The following TRAPPC6B variants were observed in gnomAD, a reference collection of about 807,000 sequenced individuals.
TRAPPC6B encodes trafficking protein particle complex subunit 6B.
A neutral mutation model predicts 24.7 loss-of-function variants in TRAPPC6B; 27 were observed. That is an observed-to-expected ratio of 1.09 (90% confidence interval 0.81 to 1.51). TRAPPC6B has a LOEUF of 1.51. Among genes scored for constraint, TRAPPC6B ranks in the 40% most tolerant of loss-of-function variants. The probability of loss-of-function intolerance (pLI) is 0.00; values close to 1 mark genes in which losing one functional copy is unlikely to be tolerated. For missense variants in TRAPPC6B, 212 were observed against 190.8 expected, an observed-to-expected ratio of 1.11 and a Z score of -0.66; for synonymous variants, 80 against 66.6, an observed-to-expected ratio of 1.20 and a Z score of -0.98.
intron 3 of TRAPPC6B, chr14:39,157,223 T>C (rs180997706): frequency 4.7e-4 from 164 of 346,448 alleles, no homozygotes; most frequent in Admixed American, 3.3e-3. Flanking sequence ...ACTCACTTTG[T>C]GAAATGGCCC....
At chr14:39,151,318 A>T (rs1048871546) in intron 5 of TRAPPC6B, among the ~76,000 whole-genome samples, 1 of 134,094 alleles carries the variant, frequency 7.5e-6, no homozygotes, top group African/African-American at 2.8e-5. Flanking sequence ...TGAACCCGGG[A>T]GGTGGAGCTT....
chr14:39,162,550 A>C (rs75711818), intron 1 of TRAPPC6B, among the ~76,000 whole-genome samples: 4,560 of 152,216 alleles, frequency 0.03, 232 homozygotes, highest in African/African-American at 0.1. Flanking sequence ...CTTTTATCCC[A>C]ATTTCAATCA....
At chr14:39,158,229 G>A (rs35270180) in intron 3 of TRAPPC6B, 56 bp downstream of exon 3, 320,249 of 924,058 alleles carry the variant, frequency 0.35, 58,565 homozygotes, top group Non-Finnish European at 0.38. Context: ...ACTAAAATAC[G>A]ATATTTATAT....
intron 1 of TRAPPC6B, among the ~76,000 whole-genome samples, chr14:39,167,863 AC>A (rs2053123658): frequency 7.2e-6 from 1 of 138,360 alleles, no homozygotes; most frequent in Admixed American, 7.3e-5. Context: ...TTTAGGATTA[AC>A]CCACGGGAAA....
intron 4 of TRAPPC6B, among the ~76,000 whole-genome samples, chr14:39,153,987 G>A (rs1387418969): frequency 6.6e-6 from 1 of 152,116 alleles, no homozygotes; most frequent in Non-Finnish European, 1.5e-5. Flanking sequence ...TTACAGGCGT[G>A]AGCCATAGCG....
Position 39,169,995 on chromosome 14 carries a change from G to C in TRAPPC6B, c.81+20C>G. ...GTGTGTCACCGCAAAAGGACCTCAA[G>C]GTTGTGTGGCAGCACTCACCACCTC... On this transcript the variant is annotated intron_variant, in intron 1 of 5. Coordinates refer to ENST00000330149, the MANE Select transcript of TRAPPC6B (RefSeq NM_001079537.2). 6.2e-7 allele frequency: 1 copy of C among 1,613,122 alleles called. No individual in the cohort carries two copies. Among genetic ancestry groups the C allele is most frequent in the Non-Finnish European group, 8.5e-7 (1 of 1,179,130 alleles).
intron 1 of TRAPPC6B, among the ~76,000 whole-genome samples, chr14:39,169,252 T>G (rs2053139949): frequency 6.6e-6 from 1 of 152,210 alleles, no homozygotes; most frequent in Non-Finnish European, 1.5e-5. Flanking sequence ...CCCTAAATAC[T>G]GTGAGGCAGG....
intron 1 of TRAPPC6B, among the ~76,000 whole-genome samples, chr14:39,166,103 C>CT (rs113849851): frequency 3.6e-4 from 52 of 146,202 alleles, no homozygotes; most frequent in South Asian, 6.4e-4. Flanking sequence ...TGTCCAGCCT[C>CT]TTTTTTTTTT....
At chr14:39,155,375 G>A (rs1416163246) in intron 3 of TRAPPC6B, among the ~76,000 whole-genome samples, 2 of 152,130 alleles carry the variant, frequency 1.3e-5, no homozygotes, top group Non-Finnish European at 2.9e-5. Context: ...CCAAGTAGCT[G>A]GGATTACAGG....
At chr14:39,161,141 G>A (rs1427562184) in intron 1 of TRAPPC6B, among the ~76,000 whole-genome samples, 1 of 143,396 alleles carries the variant, frequency 7.0e-6, no homozygotes, top group Non-Finnish European at 1.5e-5. Context: ...TTATTTCTTT[G>A]TTTGTTTAAG....
intron 1 of TRAPPC6B, among the ~76,000 whole-genome samples, chr14:39,164,226 T>C (rs1470523987): frequency 6.6e-6 from 1 of 152,200 alleles, no homozygotes; most frequent in Non-Finnish European, 1.5e-5. Flanking sequence ...CCGGGCATGA[T>C]GGCTCACGCC....
rs771060253 is a variant in TRAPPC6B, at chr14:39,169,973, T to A, written c.81+42A>T. The A allele has an allele frequency of 3.8e-6, 6 of 1,595,474 alleles. No individual in the cohort carries two copies. In the Admixed American group the frequency reaches 1.0e-4, roughly 27 times the overall value. ...GAAAGCACTGAGGGGAAACAAGGTG[T>A]GTCACCGCAAAAGGACCTCAAGGTT... On this transcript the variant is annotated intron_variant, in intron 1 of 5. Transcript: ENST00000330149.
chr14:39,154,692 T>C (rs2052955345), intron 3 of TRAPPC6B, among the ~76,000 whole-genome samples: 1 of 152,046 alleles, frequency 6.6e-6, no homozygotes, highest in East Asian at 1.9e-4. Context: ...AGTGCTGGGA[T>C]TACAGGCATA....
intron 4 of TRAPPC6B, 118 bp from the exon 5 acceptor site, chr14:39,151,957 T>G: frequency 4.3e-6 from 3 of 690,714 alleles, no homozygotes; most frequent in Non-Finnish European, 7.0e-6. Flanking sequence ...AAAAAAGGAT[T>G]TTGAAGAACT....
chr14:39,149,967 T>C lies in TRAPPC6B; in HGVS notation c.*383A>G, dbSNP rs1431966977. ...TTTAAAATAAAACAAATTCATACTTTATCAAAATTTGTTCATTCTTCTCAC... is the reference window on the plus strand; with the variant it reads ...TTTAAAATAAAACAAATTCATACTTCATCAAAATTTGTTCATTCTTCTCAC... On this transcript the variant is annotated 3_prime_UTR_variant, in exon 6 of 6. Transcript: ENST00000330149. 1 of 161,414 alleles carries C rather than the reference T, an allele frequency of 6.2e-6. No homozygotes were observed. Among genetic ancestry groups the C allele is most frequent in the East Asian group, 1.8e-4 (1 of 5,684 alleles). 10.0% of individuals were successfully genotyped at this position (161,414 alleles called of 1,614,324 possible). A position where few individuals can be genotyped will look rare whatever the true frequency, so the allele number is the denominator to read the frequency against.
At chr14:39,167,796 A>G (rs2139391469) in intron 1 of TRAPPC6B, among the ~76,000 whole-genome samples, 1 of 152,222 alleles carries the variant, frequency 6.6e-6, no homozygotes, top group Non-Finnish European at 1.5e-5. Context: ...TTTCTCTTGT[A>G]TGTTAGTCCA....
intron 1 of TRAPPC6B, 114 bp downstream of exon 1, chr14:39,169,901 G>C (rs1334582166): frequency 2.1e-6 from 2 of 951,096 alleles, no homozygotes; most frequent in Non-Finnish European, 3.3e-6. Flanking sequence ...GGACCATTTT[G>C]TGTACACCTC....
chr14:39,152,283 A>C (rs559783771), intron 4 of TRAPPC6B, among the ~76,000 whole-genome samples: 1 of 152,300 alleles, frequency 6.6e-6, no homozygotes, highest in African/African-American at 2.4e-5. Context: ...TTGTTAGCTT[A>C]CAAGCAGAAT....
intron 5 of TRAPPC6B, among the ~76,000 whole-genome samples, chr14:39,151,389 C>CAAAAAA (rs11288695): frequency 1.3e-5 from 1 of 78,732 alleles, no homozygotes; most frequent in Non-Finnish European, 2.4e-5. Context: ...GACTCCGTCT[C>CAAAAAA]AAAAAAAAAA....
Sources: allele counts gnomAD v4.1 joint callset (sites outside exome capture counted in the v4.1 genomes callset), GRCh38; gene constraint gnomAD v4.1.1; transcripts MANE v1.5; gene names NCBI Gene and HGNC (gene_info 2026-07-23, HGNC 2026-07-21).